SUFU: variants seen among roughly 807,000 people sequenced by gnomAD.
SUFU encodes the protein suppressor of fused homolog.
A neutral mutation model predicts 58.9 loss-of-function variants in SUFU; 7 were observed. The observed-to-expected ratio is 0.12, with a 90% CI of 0.07 to 0.22. The LOEUF (loss-of-function observed/expected upper bound fraction) is 0.22, where lower values mean the gene tolerates loss of function less well. Among genes scored for constraint, SUFU ranks in the 10% least tolerant of loss-of-function variants. The pLI is 1.00. For missense variants in SUFU, 451 were observed against 641.3 expected (o/e 0.70, Z 3.20); for synonymous variants, 232 against 254.8 (o/e 0.91, Z 0.85).
At position 102,559,112 on chromosome 10, in the gene SUFU, G is replaced by A. The variant is rs150740102; in HGVS notation, c.454+9006G>A. ...CAGAGATGGCTGCCATGATCCTAGC[G>A]TCCTGATCACCCTTGACAGAGTCTA... On this transcript the variant is annotated intron_variant, in intron 3 of 11. Transcript: ENST00000369902. Among the ~76,000 whole-genome samples the A allele has an allele frequency of 1.1e-3, 167 of 152,218 alleles. 1 individual carries two copies. Among genetic ancestry groups the A allele is most frequent in the Middle Eastern group, 3.4e-3 (1 of 294 alleles).
chr10:102,578,341 G>A (rs903875129), intron 3 of SUFU, among the ~76,000 whole-genome samples: 2 of 151,932 alleles, frequency 1.3e-5, no homozygotes, highest in African/African-American at 4.8e-5. Context: ...ACTTTGGGAG[G>A]CCGAGGTGGG....
chr10:102,614,308 C>A (rs945670744), intron 8 of SUFU, among the ~76,000 whole-genome samples: 2 of 152,226 alleles, frequency 1.3e-5, no homozygotes, highest in Non-Finnish European at 2.9e-5. Context: ...ATAATCCCAG[C>A]ACTTTGGGAG....
intron 8 of SUFU, among the ~76,000 whole-genome samples, chr10:102,605,742 A>G (rs1340543238): frequency 1.3e-5 from 2 of 152,250 alleles, no homozygotes; most frequent in Admixed American, 1.3e-4. Flanking sequence ...TGGAAAGTTC[A>G]GAGCTTTCGT....
chr10:102,537,370 G>A (rs1424816949), intron 2 of SUFU, among the ~76,000 whole-genome samples: 1 of 150,430 alleles, frequency 6.6e-6, no homozygotes, highest in Non-Finnish European at 1.5e-5. Flanking sequence ...GGCTCAAGCA[G>A]TCCTCCCACC....
chr10:102,579,772 C>T lies in SUFU; in HGVS notation c.455-12810C>T, dbSNP rs1034062375. The T allele has an allele frequency of 3.1e-6, 3 of 964,178 alleles. No individual in the cohort carries two copies. In the African/African-American group the frequency reaches 5.3e-5, roughly 17 times the overall value. 59.7% of individuals were successfully genotyped at this position (964,178 alleles called of 1,614,324 possible). A position where few individuals can be genotyped will look rare whatever the true frequency, so the allele number is the denominator to read the frequency against. ...CACATTTAGCCAAATTAATATCAGA[C>T]AGAGCTAGCTGAGGGAAGCTCTCAA... On this transcript the variant is annotated intron_variant, in intron 3 of 11. Transcript: ENST00000369902.
intron 3 of SUFU, 148 bp downstream of exon 3, chr10:102,550,254 C>G (rs2062899051): frequency 7.5e-7 from 1 of 1,328,030 alleles, no homozygotes; most frequent in East Asian, 2.5e-5. Flanking sequence ...GCTTGTTTTG[C>G]CTGGTGTTTC....
intron 2 of SUFU, among the ~76,000 whole-genome samples, chr10:102,541,695 G>A (rs868843335): frequency 3.3e-5 from 3 of 90,314 alleles, no homozygotes; most frequent in African/African-American, 1.2e-4. Context: ...CACCGCGCCC[G>A]GCTTTTTTTT....
chr10:102,570,315 C>T (rs1169336966), intron 3 of SUFU, among the ~76,000 whole-genome samples: 1 of 152,000 alleles, frequency 6.6e-6, no homozygotes, highest in Non-Finnish European at 1.5e-5. Context: ...AATCTCGGCT[C>T]ACTGCAACCT....
chr10:102,584,172 C>T (rs1590053811), intron 3 of SUFU, among the ~76,000 whole-genome samples: 1 of 152,162 alleles, frequency 6.6e-6, no homozygotes, highest in South Asian at 2.1e-4. Context: ...GGGCAAGTTG[C>T]CCAGGGTCAC....
chr10:102,547,534 T>C (rs1428425520), intron 2 of SUFU, among the ~76,000 whole-genome samples: 7 of 152,326 alleles, frequency 4.6e-5, no homozygotes, highest in Non-Finnish European at 1.5e-5. Flanking sequence ...CATTTAAACA[T>C]AGTTGGGCCA....
intron 10 of SUFU, chr10:102,618,936 G>GTT: frequency 2.7e-6 from 1 of 369,292 alleles, no homozygotes; most frequent in Middle Eastern, 6.5e-4. Flanking sequence ...GGTAGCGTGT[G>GTT]TGTGTGTGTG....
At chr10:102,602,807 T>C (rs1025673657) in intron 8 of SUFU, among the ~76,000 whole-genome samples, 6 of 152,200 alleles carry the variant, frequency 3.9e-5, no homozygotes, top group Non-Finnish European at 7.3e-5. Context: ...TTGGCCCTCT[T>C]TGGGGCTTCT....
At chr10:102,571,866 C>T (rs2063165030) in intron 3 of SUFU, among the ~76,000 whole-genome samples, 1 of 152,098 alleles carries the variant, frequency 6.6e-6, no homozygotes, top group South Asian at 2.1e-4. Flanking sequence ...ATACAGGCTG[C>T]ATTCTTATTT....
chr10:102,556,570 G>A (rs4526717), intron 3 of SUFU, among the ~76,000 whole-genome samples: 45,406 of 151,458 alleles, frequency 0.3, 7,112 homozygotes, highest in Admixed American at 0.36. Flanking sequence ...TGGAGAAACC[G>A]TGTCTCTACT....
intron 2 of SUFU, among the ~76,000 whole-genome samples, chr10:102,516,129 T>TTTC (rs2062466839): frequency 1.4e-5 from 1 of 71,736 alleles, no homozygotes. Flanking sequence ...TCTTTTCTTT[T>TTTC]TTTTTTTTTT....
At chr10:102,590,067 G>A in intron 3 of SUFU, among the ~76,000 whole-genome samples, 1 of 145,352 alleles carries the variant, frequency 6.9e-6, no homozygotes, top group East Asian at 2.0e-4. Flanking sequence ...ATTTTCTTGT[G>A]TATAACTAAC....
Position 102,629,954 on chromosome 10 carries a change from C to G in SUFU, c.1366-112C>G. 1.0e-6 allele frequency: 1 copy of G among 985,096 alleles called. No homozygotes were observed. Among genetic ancestry groups the G allele is most frequent in the Admixed American group, 1.7e-5 (1 of 59,148 alleles). The allele number at this position is 985,096 out of a possible 1,614,324, so 61.0% of individuals were successfully genotyped here. A position where few individuals can be genotyped will look rare whatever the true frequency, so the allele number is the denominator to read the frequency against. ...TTTGAGAATGAAGCCACGCCTCCCG[C>G]GGCCTGTCCTATCCCTAGCTCCCCG... On this transcript the variant is annotated intron_variant, in intron 11 of 11. Transcript: ENST00000369902. The surrounding 1 kb of genome is among the most constrained non-coding windows in gnomAD (Gnocchi z 4.7).
intron 4 of SUFU, 26 bp downstream of exon 4, chr10:102,592,750 C>T (rs893745304): frequency 2.5e-6 from 4 of 1,612,996 alleles, no homozygotes; most frequent in East Asian, 2.2e-5. Flanking sequence ...GACGCTGGCT[C>T]AAGCCTTCCT....
intron 2 of SUFU, among the ~76,000 whole-genome samples, chr10:102,521,008 G>A (rs994242893): frequency 6.6e-6 from 1 of 152,156 alleles, no homozygotes; most frequent in African/African-American, 2.4e-5. Flanking sequence ...ATGCTAGATC[G>A]TATGTTAAGA....
Sources: gnomAD v4.1 joint callset for allele counts (sites outside exome capture counted in the v4.1 genomes callset) on GRCh38, gnomAD v4.1.1 for gene constraint, Gnocchi (gnomAD v3.1) non-coding constraint, MANE v1.5 for transcripts, NCBI Gene and HGNC (gene_info 2026-07-23, HGNC 2026-07-21) for gene names.